The following POLA1 variants were observed in gnomAD, a reference collection of about 807,000 sequenced individuals.
POLA1 encodes DNA polymerase alpha 1, catalytic subunit, also known as DNA polymerase alpha catalytic subunit.
A neutral mutation model predicts 124.0 loss-of-function variants in POLA1; 15 were observed. The observed-to-expected ratio is 0.12, with a 90% CI of 0.08 to 0.19. The LOEUF is 0.19. POLA1 is among the 10% of genes least tolerant of loss of function. POLA1 has a pLI of 1.00. For synonymous variants in POLA1, 408 were observed against 389.4 expected, an observed-to-expected ratio of 1.05 and a Z score of -0.56; for missense variants, 886 against 1,103.4, an observed-to-expected ratio of 0.80 and a Z score of 2.79.
intron 16 of POLA1, 96 bp from the exon 17 acceptor site, chrX:24,733,659 A>G (rs1569287014): frequency 2.2e-6 from 1 of 453,867 alleles, no homozygotes; most frequent in East Asian, 3.7e-5. Context: ...GGGGGAATAT[A>G]TTTAAGACAG....
intron 36 of POLA1, among the ~76,000 whole-genome samples, chrX:24,994,673 C>G (rs886806870): frequency 9.6e-6 from 1 of 103,732 alleles, no homozygotes; most frequent in Non-Finnish European, 1.9e-5. Context: ...CCTGGGTTTG[C>G]GTGTCTACAA....
intron 36 of POLA1, among the ~76,000 whole-genome samples, chrX:24,947,070 T>G (rs767573306): frequency 9.1e-6 from 1 of 110,106 alleles, no homozygotes; most frequent in African/African-American, 3.3e-5. Context: ...CCTAGAAATT[T>G]CTTTGTTTAA....
chrX:24,872,213 C>T (rs1395135529), intron 34 of POLA1, among the ~76,000 whole-genome samples: 1 of 111,215 alleles, frequency 9.0e-6, no homozygotes, highest in Non-Finnish European at 1.9e-5. Context: ...CTATCACAGA[C>T]AAAAAATTTT....
chrX:24,986,516 T>A (rs1037993650), intron 36 of POLA1, among the ~76,000 whole-genome samples: 1 of 109,708 alleles, frequency 9.1e-6, no homozygotes, highest in Non-Finnish European at 1.9e-5. Flanking sequence ...ACACCTGTAA[T>A]CTCAGCACTG....
chrX:24,873,253 C>T (rs1470347791), intron 34 of POLA1, among the ~76,000 whole-genome samples: 1 of 111,783 alleles, frequency 8.9e-6, no homozygotes, highest in Admixed American at 9.5e-5. Context: ...CACTCTCATA[C>T]ACTGTTGGTG....
At chrX:24,913,478 G>A (rs1343025378) in intron 35 of POLA1, among the ~76,000 whole-genome samples, 1 of 110,367 alleles carries the variant, frequency 9.1e-6, no homozygotes, top group Non-Finnish European at 1.9e-5. Context: ...TTGGGAGGCC[G>A]AGGCGGGCAG....
At chrX:24,821,631 A>G in intron 31 of POLA1, 48 bp downstream of exon 31, 1 of 1,018,405 alleles carries the variant, frequency 9.8e-7, no homozygotes. Flanking sequence ...AAGAACTGAA[A>G]GTAAAATCCA....
intron 35 of POLA1, among the ~76,000 whole-genome samples, chrX:24,909,631 T>C (rs1253969749): frequency 1.8e-5 from 2 of 111,479 alleles, no homozygotes; most frequent in African/African-American, 6.5e-5. Flanking sequence ...CTGTTTTGGT[T>C]ACTGTAGCCT....
Position 24,785,820 on chromosome X carries a change from A to G in POLA1, c.2965-24078A>G, listed in dbSNP as rs1453608615. On this transcript the variant is annotated intron_variant, in intron 26 of 36. Coordinates refer to ENST00000379068, the MANE Select transcript of POLA1 (RefSeq NM_001330360.2). Reference sequence around the variant, plus strand: ...TACATACCCAGAACTTGTTCATCTTATAACTGAAAGTTCATCCCCTTTGGC... The same window carrying G: ...TACATACCCAGAACTTGTTCATCTTGTAACTGAAAGTTCATCCCCTTTGGC... 2.7e-5 allele frequency among the ~76,000 whole-genome samples: 3 copies of G among 111,976 alleles called. No individual in the cohort carries two copies. The East Asian group carries it at 8.4e-4, about 31-fold the overall frequency.
At chrX:24,867,112 TTTA>T (rs1268494243) in intron 34 of POLA1, among the ~76,000 whole-genome samples, 44 of 111,591 alleles carry the variant, frequency 3.9e-4, no homozygotes, top group Non-Finnish European at 5.9e-4. Flanking sequence ...GCATAAGTGA[TTTA>T]TTGTTTTGAC....
At chrX:24,774,029 T>C (rs1166392733) in intron 26 of POLA1, among the ~76,000 whole-genome samples, 1 of 111,747 alleles carries the variant, frequency 8.9e-6, no homozygotes, top group Non-Finnish European at 1.9e-5. Flanking sequence ...AAGTACATAA[T>C]TGAAAAGAGA....
chrX:24,890,985 C>T (rs1038401515), intron 35 of POLA1, among the ~76,000 whole-genome samples: 2 of 111,731 alleles, frequency 1.8e-5, no homozygotes, highest in Admixed American at 9.5e-5. Flanking sequence ...AAGTTAAGTT[C>T]AATGAAAATC....
intron 36 of POLA1, among the ~76,000 whole-genome samples, chrX:24,988,210 T>G (rs73473559): frequency 0.048 from 5,396 of 112,543 alleles, 324 homozygotes; most frequent in African/African-American, 0.17. Context: ...TTCTCCCACC[T>G]GTGGTAAATG....
At chrX:24,765,012 C>T (rs901101927) in intron 26 of POLA1, among the ~76,000 whole-genome samples, 1 of 111,258 alleles carries the variant, frequency 9.0e-6, no homozygotes, top group Non-Finnish European at 1.9e-5. Context: ...ACCTTGGACT[C>T]CAAGGTCCTA....
chrX:24,697,349 C>T (rs1274730819), intron 1 of POLA1, among the ~76,000 whole-genome samples: 1 of 111,747 alleles, frequency 8.9e-6, no homozygotes, highest in Non-Finnish European at 1.9e-5. Flanking sequence ...TCGCTTTTCA[C>T]TTTCAGGGGT....
intron 34 of POLA1, among the ~76,000 whole-genome samples, chrX:24,857,010 A>G (rs1233866084): frequency 8.9e-6 from 1 of 111,765 alleles, no homozygotes; most frequent in African/African-American, 3.2e-5. Flanking sequence ...AGTCCAGTAT[A>G]TCAATATTTT....
At chrX:24,896,463 GGTTTTTGTTTTGTTTTGTTTTGTTTTT>G (rs976333522) in intron 35 of POLA1, among the ~76,000 whole-genome samples, 107 of 109,017 alleles carry the variant, frequency 9.8e-4, no homozygotes, top group Non-Finnish European at 2.6e-4. Context: ...TTGGTTTTTG[GGTTTTTGTTTTGTTTTGTTTTGTTTTT>G]TTGCGATTTT....
At chrX:24,852,406 GTT>G (rs1298408037) in intron 34 of POLA1, among the ~76,000 whole-genome samples, 3 of 110,277 alleles carry the variant, frequency 2.7e-5, no homozygotes, top group Non-Finnish European at 5.7e-5. Context: ...TGCCTCCCGG[GTT>G]CAAGCGATTC....
intron 36 of POLA1, among the ~76,000 whole-genome samples, chrX:24,961,431 G>A (rs994300425): frequency 1.8e-5 from 2 of 111,518 alleles, no homozygotes; most frequent in African/African-American, 3.3e-5. Flanking sequence ...GTTTTATGTG[G>A]AAATAGTGCC....
Sources: gnomAD v4.1 joint callset for allele counts (sites outside exome capture counted in the v4.1 genomes callset) on GRCh38, gnomAD v4.1.1 for gene constraint, MANE v1.5 for transcripts, NCBI Gene and HGNC (gene_info 2026-07-23, HGNC 2026-07-21) for gene names.